NAA15: variants seen among roughly 807,000 people sequenced by gnomAD.
NAA15 encodes the protein N-terminal acetyltransferase.
NAA15 carries 34 observed loss-of-function variants against 114.0 expected under a neutral mutation model. The ratio of observed to expected loss-of-function variants is 0.30; its 90% CI spans 0.23 to 0.40. The LOEUF (loss-of-function observed/expected upper bound fraction) is 0.40. Ranked by LOEUF, NAA15 falls within the 10% of genes least tolerant of loss-of-function variation. The pLI, the probability that NAA15 is intolerant of heterozygous loss-of-function variation, is 1.00. For synonymous variants in NAA15, 340 were observed against 338.0 expected, an observed-to-expected ratio of 1.01 and a Z score of -0.06; for missense variants, 658 against 1,004.5, an observed-to-expected ratio of 0.66 and a Z score of 4.66.
chr4:139,361,690 C>T (rs1203520398), intron 13 of NAA15, 34 bp from the exon 14 acceptor site: 2 of 1,357,584 alleles, frequency 1.5e-6, no homozygotes, highest in East Asian at 4.9e-5. Context: ...CATTGCTGTA[C>T]TTCGGTATAA....
intron 1 of NAA15, among the ~76,000 whole-genome samples, chr4:139,317,935 TGTTC>T (rs1342167450): frequency 6.6e-6 from 1 of 152,254 alleles, no homozygotes; most frequent in African/African-American, 2.4e-5. Flanking sequence ...GCCACTTTAA[TGTTC>T]TTTCTTCAAG....
At chr4:139,361,626 T>C in intron 13 of NAA15, 98 bp from the exon 14 acceptor site, 1 of 734,340 alleles carries the variant, frequency 1.4e-6, no homozygotes, top group Non-Finnish European at 2.1e-6. Context: ...TACTAGTTTT[T>C]TTCATGCCAA....
chr4:139,315,981 T>C (rs934578397), intron 1 of NAA15, among the ~76,000 whole-genome samples: 4 of 151,808 alleles, frequency 2.6e-5, no homozygotes, highest in African/African-American at 7.3e-5. Context: ...AGTTTCTTTT[T>C]TTTCTGTCTC....
At chr4:139,370,680 G>C (rs1403183512) in intron 15 of NAA15, among the ~76,000 whole-genome samples, 1 of 152,114 alleles carries the variant, frequency 6.6e-6, no homozygotes, top group Non-Finnish European at 1.5e-5. Flanking sequence ...CCAGATATTA[G>C]CTCTTATATT....
intron 1 of NAA15, among the ~76,000 whole-genome samples, chr4:139,309,735 G>A (rs75778024): frequency 0.012 from 1,801 of 152,094 alleles, 12 homozygotes; most frequent in East Asian, 0.029. Context: ...ATTCTTTTGC[G>A]TCAATAGAGT....
At position 139,359,886 on chromosome 4, in the gene NAA15, G is replaced by A; in HGVS notation, c.1401G>A (p.Lys467=). 6.3e-7 allele frequency: 1 copy of A among 1,592,382 alleles called. No individual in the cohort carries two copies. Among genetic ancestry groups the A allele is most frequent in the South Asian group, 1.2e-5 (1 of 86,648 alleles). The change falls in exon 12 of 20, where the codon AAG becomes AAA. Residue 467 remains lysine, a synonymous_variant. Transcript: ENST00000296543. ...LIKEAEEMCS[K]FTREGTSAVE... ...AAGAAGCTGAAGAAATGTGCTCAAA[G>A]TTTACAAGGGTTTGTACAGCTAGTG...
In NAA15 at chr4:139,366,900, C is replaced by T. The variant is rs7666059; in HGVS notation, c.1754-3311C>T. Reference sequence around the variant, plus strand: ...CTGGGATTACAGGCATGAGCCACCACGCCCAGCTTACATTATTCTTATATG... The same window carrying T: ...CTGGGATTACAGGCATGAGCCACCATGCCCAGCTTACATTATTCTTATATG... On this transcript the variant is annotated intron_variant, in intron 14 of 19. Transcript: ENST00000296543. 8.2e-3 allele frequency among the ~76,000 whole-genome samples: 1,253 copies of T among 152,262 alleles called. 19 individuals are homozygous for T. The highest frequency in any genetic ancestry group is 0.028 in the African/African-American group (1,175 of 41,530).
At chr4:139,352,191 C>T (rs1747800291) in intron 9 of NAA15, among the ~76,000 whole-genome samples, 1 of 152,088 alleles carries the variant, frequency 6.6e-6, no homozygotes, top group Non-Finnish European at 1.5e-5. Flanking sequence ...TCACTGCAAC[C>T]TCTGCCTCCT....
intron 1 of NAA15, among the ~76,000 whole-genome samples, chr4:139,329,974 TCTC>T (rs1746947331): frequency 6.6e-6 from 1 of 152,196 alleles, no homozygotes; most frequent in South Asian, 2.1e-4. Flanking sequence ...TGTTTCCCGT[TCTC>T]ATGGTTCACA....
intron 10 of NAA15, among the ~76,000 whole-genome samples, chr4:139,354,445 T>G (rs554196676): frequency 6.6e-6 from 1 of 152,058 alleles, no homozygotes; most frequent in Non-Finnish European, 1.5e-5. Flanking sequence ...ACCACAGACA[T>G]GCACCATCAT....
chr4:139,321,471 GTTT>G (rs909254599), intron 1 of NAA15, among the ~76,000 whole-genome samples: 1 of 113,234 alleles, frequency 8.8e-6, no homozygotes. Flanking sequence ...GCCCTTATTT[GTTT>G]TTTTTTTTTT....
At chr4:139,369,020 G>T (rs1278201942) in intron 14 of NAA15, among the ~76,000 whole-genome samples, 2 of 152,134 alleles carry the variant, frequency 1.3e-5, no homozygotes, top group Non-Finnish European at 2.9e-5. Context: ...TTACTATAGA[G>T]TTATTCATTT....
intron 8 of NAA15, 93 bp from the exon 9 acceptor site, chr4:139,351,412 G>T: frequency 2.9e-6 from 3 of 1,039,028 alleles, no homozygotes; most frequent in Non-Finnish European, 4.5e-6. Context: ...TAACAACTCT[G>T]CTAAATGTAA....
chr4:139,352,103 ATTTTAATTATT>A (rs1218067527), intron 9 of NAA15, among the ~76,000 whole-genome samples: 1 of 151,750 alleles, frequency 6.6e-6, no homozygotes, highest in Non-Finnish European at 1.5e-5. Flanking sequence ...TTTAGAGGTT[ATTTTAATTATT>A]TTTTTTTCTT....
At chr4:139,312,760 C>T (rs1033169518) in intron 1 of NAA15, among the ~76,000 whole-genome samples, 7 of 151,546 alleles carry the variant, frequency 4.6e-5, no homozygotes, top group South Asian at 2.1e-4. Flanking sequence ...GGTGGAGGAC[C>T]GCTTGAGCCT....
intron 1 of NAA15, among the ~76,000 whole-genome samples, chr4:139,303,578 C>G (rs987711649): frequency 1.3e-5 from 2 of 152,184 alleles, no homozygotes; most frequent in East Asian, 3.8e-4. Context: ...AGATGGATCA[C>G]TTGAGGTCAG....
Position 139,336,939 on chromosome 4 carries a change from G to A in NAA15, c.231G>A (p.Leu77=), listed in dbSNP as rs368780802. The change falls in exon 3 of 20, where the codon TTG becomes TTA. Residue 77 remains leucine, a synonymous_variant. Transcript: ENST00000296543. ...TTCGTAGAGGTTTGAGAAATGACTT[G>A]AAGAGTCATGTGTGTATCCTTTTTG... ...ELVRRGLRND[L]KSHVCWHVYG... The A allele has an allele frequency of 1.1e-4, 173 of 1,593,226 alleles. No individual in the cohort carries two copies. The highest frequency in any genetic ancestry group is 1.4e-4 in the Non-Finnish European group (169 of 1,168,630).
In NAA15 at chr4:139,340,915, G is replaced by A; in HGVS notation, c.248G>A (p.Trp83Ter). 6.5e-7 allele frequency: 1 copy of A among 1,543,428 alleles called. No individual in the cohort carries two copies. Among genetic ancestry groups the A allele is most frequent in the Non-Finnish European group, 8.7e-7 (1 of 1,149,924 alleles). Reference protein sequence around the residue: ...LRNDLKSHVCWHVYGLLQRSD... With the variant: ...LRNDLKSHVC Reference sequence around the variant, plus strand: ...TACCCTTAACTAAATTCTTTAGGTTGGCACGTTTATGGCCTTCTTCAGAGG... The same window carrying A: ...TACCCTTAACTAAATTCTTTAGGTTAGCACGTTTATGGCCTTCTTCAGAGG... Residue 83 changes from tryptophan (W) to a stop codon, truncating the protein, a stop_gained, in exon 4 of 20, where the codon TGG becomes TAG. Transcript: ENST00000296543. LOFTEE classifies it high-confidence loss of function.
chr4:139,385,010 AAAC>A (rs1470171716), intron 18 of NAA15, 32 bp downstream of exon 18: 1 of 1,443,830 alleles, frequency 6.9e-7, no homozygotes, highest in Non-Finnish European at 9.2e-7. Context: ...TAGCCTTCTA[AAAC>A]AACTTCAGTA....
Sources: gnomAD v4.1 joint callset for allele counts (sites outside exome capture counted in the v4.1 genomes callset) on GRCh38, gnomAD v4.1.1 for gene constraint, MANE v1.5 for transcripts, NCBI Gene and HGNC (gene_info 2026-07-23, HGNC 2026-07-21) for gene names.